The following PTBP3 variants were observed in gnomAD, a reference collection of about 807,000 sequenced individuals.
PTBP3 encodes polypyrimidine tract-binding protein 3.
A neutral mutation model predicts 58.7 loss-of-function variants in PTBP3; 20 were observed. The observed-to-expected ratio is 0.34, with a 90% CI of 0.24 to 0.50. PTBP3 has a LOEUF of 0.50. PTBP3 is among the 20% of genes least tolerant of loss of function. The probability of loss-of-function intolerance (pLI) is 0.98; values close to 1 mark genes in which losing one functional copy is unlikely to be tolerated. For missense variants in PTBP3, 509 were observed against 637.2 expected (o/e 0.80, Z 2.17); for synonymous variants, 185 against 219.8 (o/e 0.84, Z 1.40).
chr9:112,311,146 T>C (rs1829456262), intron 1 of PTBP3, among the ~76,000 whole-genome samples: 1 of 151,720 alleles, frequency 6.6e-6, no homozygotes, highest in Non-Finnish European at 1.5e-5. Context: ...GAAGCTGTGA[T>C]GATAATCCGG....
At chr9:112,302,742 A>C (rs1828998728) in intron 1 of PTBP3, among the ~76,000 whole-genome samples, 2 of 152,040 alleles carry the variant, frequency 1.3e-5, no homozygotes, top group Admixed American at 1.3e-4. Context: ...GTGTCCGCCC[A>C]CAACACCCAG....
the PTBP3 span, among the ~76,000 whole-genome samples, chr9:112,355,956 TTC>T: frequency 6.6e-6 from 1 of 151,612 alleles, no homozygotes; most frequent in East Asian, 1.9e-4. Context: ...CTTTCTTTCT[TTC>T]TCTTTCTCTT....
chr9:112,347,816 ATGG>A, the PTBP3 span, among the ~76,000 whole-genome samples: 7 of 152,204 alleles, frequency 4.6e-5, no homozygotes, highest in Non-Finnish European at 8.8e-5. Context: ...AGGCAGGGAG[ATGG>A]AATCAAGAGA....
chr9:112,290,416 T>C (rs1273764217), intron 2 of PTBP3, among the ~76,000 whole-genome samples: 3 of 152,068 alleles, frequency 2.0e-5, no homozygotes, highest in African/African-American at 7.2e-5. Flanking sequence ...GGCTCACACC[T>C]GTATTACCAG....
At chr9:112,322,795 A>C (rs1272764315) in intron 1 of PTBP3, among the ~76,000 whole-genome samples, 9 of 152,150 alleles carry the variant, frequency 5.9e-5, no homozygotes, top group Non-Finnish European at 1.3e-4. Context: ...AACCAACCCA[A>C]CTTGGTCCAC....
intron 2 of PTBP3, among the ~76,000 whole-genome samples, chr9:112,283,501 C>T (rs1827969946): frequency 6.6e-6 from 1 of 152,170 alleles, no homozygotes; most frequent in Non-Finnish European, 1.5e-5. Context: ...GAACTCTGAA[C>T]TCAGATGATT....
chr9:112,366,242 A>G, the PTBP3 span, among the ~76,000 whole-genome samples: 1 of 151,608 alleles, frequency 6.6e-6, no homozygotes, highest in African/African-American at 2.4e-5. Flanking sequence ...AAGACACACC[A>G]TTGCACTCCA....
chr9:112,344,400 G>T, the PTBP3 span, among the ~76,000 whole-genome samples: 1 of 152,072 alleles, frequency 6.6e-6, no homozygotes, highest in Non-Finnish European at 1.5e-5. Context: ...ACAAGAACAG[G>T]TTGTTATAAA....
chr9:112,335,378 C>T (rs551153444), upstream of PTBP3, among the ~76,000 whole-genome samples: 6 of 151,854 alleles, frequency 4.0e-5, no homozygotes, highest in Non-Finnish European at 5.9e-5. Context: ...CTCTGCCTCC[C>T]GAGTTCAAGT....
chr9:112,340,517 C>T, the PTBP3 span, among the ~76,000 whole-genome samples: 1 of 152,084 alleles, frequency 6.6e-6, no homozygotes, highest in African/African-American at 2.4e-5. Flanking sequence ...ATTTTGTTTT[C>T]TCCTCTTCTC....
At chr9:112,320,288 AAAAATATATAT>A (rs1304971607) in intron 1 of PTBP3, among the ~76,000 whole-genome samples, 1 of 53,664 alleles carries the variant, frequency 1.9e-5, no homozygotes, top group Non-Finnish European at 3.1e-5. Flanking sequence ...TTAAAAAAAA[AAAAATATATAT>A]ATATATATAT....
At chr9:112,344,148 T>G in the PTBP3 span, among the ~76,000 whole-genome samples, 2 of 152,194 alleles carry the variant, frequency 1.3e-5, no homozygotes, top group African/African-American at 4.8e-5. Context: ...GTTTTGGGCC[T>G]TTTGTTTAAG....
At position 112,333,138 on chromosome 9, in the gene PTBP3, G is replaced by T. The variant is rs1275169258; in HGVS notation, c.-52+332C>A. ...GAGGAAGTGTCGGGAGGCCGAGCTGGGCTCCCCGGACTCGGGGCGCGGAGG... is the reference window on the plus strand; with the variant it reads ...GAGGAAGTGTCGGGAGGCCGAGCTGTGCTCCCCGGACTCGGGGCGCGGAGG... On this transcript the variant is annotated intron_variant, in intron 1 of 13. Coordinates refer to ENST00000374257, the MANE Select transcript of PTBP3 (RefSeq NM_001163788.4). The T allele has an allele frequency of 3.2e-6, 4 of 1,249,274 alleles. No individual in the cohort carries two copies. In the South Asian group the frequency reaches 1.2e-4, roughly 38 times the overall value. 77.4% of individuals were successfully genotyped at this position (1,249,274 alleles called of 1,614,324 possible). A position where few individuals can be genotyped will look rare whatever the true frequency, so the allele number is the denominator to read the frequency against.
intron 2 of PTBP3, among the ~76,000 whole-genome samples, chr9:112,291,358 GA>G (rs61362744): frequency 0.02 from 2,791 of 140,162 alleles, 41 homozygotes; most frequent in African/African-American, 0.05. Flanking sequence ...ATTTTTGCAG[GA>G]AAAAAAAAAA....
chr9:112,330,456 T>G (rs769951321), intron 1 of PTBP3: 1 of 1,528,158 alleles, frequency 6.5e-7, no homozygotes. Context: ...AACCGACTGT[T>G]ATAAGATCTG....
chr9:112,258,484 T>C (rs534235831), intron 5 of PTBP3, among the ~76,000 whole-genome samples: 7 of 152,188 alleles, frequency 4.6e-5, no homozygotes, highest in Non-Finnish European at 7.3e-5. Context: ...ATAGGTATTC[T>C]TAAGTTAACA....
At chr9:112,296,480 C>T (rs918923146) in intron 2 of PTBP3, among the ~76,000 whole-genome samples, 35 of 152,100 alleles carry the variant, frequency 2.3e-4, no homozygotes, top group Non-Finnish European at 4.9e-4. Flanking sequence ...CATCTATGTT[C>T]CCATGGTCCC....
intron 1 of PTBP3, chr9:112,298,574 T>C (rs761764584): frequency 2.0e-6 from 1 of 509,958 alleles, no homozygotes; most frequent in South Asian, 1.4e-5. Flanking sequence ...GGAAGGACAA[T>C]AAATACTATG....
At chr9:112,293,599 TC>T (rs1376765955) in intron 2 of PTBP3, among the ~76,000 whole-genome samples, 2 of 152,144 alleles carry the variant, frequency 1.3e-5, no homozygotes, top group Non-Finnish European at 2.9e-5. Flanking sequence ...AGCTGGTGTG[TC>T]AATGTGACGA....
Sources: allele counts gnomAD v4.1 joint callset (sites outside exome capture counted in the v4.1 genomes callset), GRCh38; gene constraint gnomAD v4.1.1; transcripts MANE v1.5; gene names NCBI Gene and HGNC (gene_info 2026-07-23, HGNC 2026-07-21).